Variants in MRAP2 observed in about 807,000 individuals in gnomAD.
MRAP2 encodes melanocortin 2 receptor accessory protein 2, also known as melanocortin-2 receptor accessory protein 2.
In MRAP2, 20 loss-of-function variants were observed where a neutral mutation model predicts 17.4. The ratio of observed to expected loss-of-function variants is 1.15; its 90% confidence interval spans 0.81 to 1.67. The LOEUF (loss-of-function observed/expected upper bound fraction) is 1.67. Among genes scored for constraint, MRAP2 ranks in the 40% most tolerant of loss-of-function variants. The pLI is 0.00. For synonymous variants in MRAP2, 96 were observed against 88.4 expected (o/e 1.09, Z -0.48); for missense variants, 238 against 240.0 (o/e 0.99, Z 0.05).
At chr6:84,058,015 A>C (rs1233680276) in intron 2 of MRAP2, among the ~76,000 whole-genome samples, 2 of 152,168 alleles carry the variant, frequency 1.3e-5, no homozygotes, top group Non-Finnish European at 2.9e-5. Context: ...GGGAGTGATA[A>C]GAGGCAGAAC....
At chr6:84,112,671 T>C in the MRAP2 span, among the ~76,000 whole-genome samples, 1 of 152,196 alleles carries the variant, frequency 6.6e-6, no homozygotes, top group African/African-American at 2.4e-5. Flanking sequence ...TGCTCTTGCC[T>C]CTCTAGTTCT....
chr6:84,095,965 G>T, the MRAP2 span, among the ~76,000 whole-genome samples: 3 of 152,184 alleles, frequency 2.0e-5, no homozygotes, highest in African/African-American at 7.2e-5. Context: ...CTAGTGAGAG[G>T]TCTCCAGAGA....
In MRAP2 at chr6:84,090,206, G is replaced by A. The variant is rs1376682007; in HGVS notation, c.*725G>A. On this transcript the variant is annotated 3_prime_UTR_variant, in exon 4 of 4. Coordinates refer to ENST00000257776, the MANE Select transcript of MRAP2 (RefSeq NM_138409.4). ...TATACATAAAACAGTATAAACTAGG[G>A]TACTGCCTCGTATCTCTTGTAGGCT... 6.6e-6 allele frequency: 1 copy of A among 152,098 alleles called. No individual in the cohort carries two copies. The highest frequency in any genetic ancestry group is 1.5e-5 in the Non-Finnish European group (1 of 68,052). 9.4% of individuals were successfully genotyped at this position (152,098 alleles called of 1,614,324 possible).
At chr6:84,087,267 G>C (rs1452456208) in intron 3 of MRAP2, among the ~76,000 whole-genome samples, 1 of 152,160 alleles carries the variant, frequency 6.6e-6, no homozygotes, top group East Asian at 1.9e-4. Flanking sequence ...GAAGCAGGGA[G>C]GGGACTTCCA....
the MRAP2 span, among the ~76,000 whole-genome samples, chr6:84,122,101 G>A: frequency 6.6e-6 from 1 of 151,942 alleles, no homozygotes; most frequent in Non-Finnish European, 1.5e-5. Context: ...AAAAAGCCCA[G>A]GATCAGATGG....
At chr6:84,123,615 A>T in the MRAP2 span, among the ~76,000 whole-genome samples, 6 of 152,316 alleles carry the variant, frequency 3.9e-5, no homozygotes, top group Admixed American at 2.6e-4. Context: ...ACTTAAAAGT[A>T]TTAAAATGCT....
the MRAP2 span, among the ~76,000 whole-genome samples, chr6:84,129,735 G>A: frequency 6.6e-6 from 1 of 151,982 alleles, no homozygotes; most frequent in Admixed American, 6.6e-5. Flanking sequence ...TAGTCATGAA[G>A]ACTTTGCCCA....
At chr6:84,119,401 T>C in the MRAP2 span, among the ~76,000 whole-genome samples, 1 of 152,220 alleles carries the variant, frequency 6.6e-6, no homozygotes, top group Non-Finnish European at 1.5e-5. Context: ...CTTTTAACAG[T>C]AGACACCCTG....
At chr6:84,092,788 A>G (rs543155856), downstream of MRAP2, among the ~76,000 whole-genome samples, 2 of 152,284 alleles carry the variant, frequency 1.3e-5, no homozygotes, top group South Asian at 2.1e-4. Flanking sequence ...TGTATTTTCA[A>G]TCCCCATTTG....
the MRAP2 span, among the ~76,000 whole-genome samples, chr6:84,135,378 A>G: frequency 6.6e-6 from 1 of 152,208 alleles, no homozygotes; most frequent in Admixed American, 6.5e-5. Flanking sequence ...ACTGGAGAAG[A>G]CAGATATCAC....
At chr6:84,088,098 C>T (rs535702439) in intron 3 of MRAP2, among the ~76,000 whole-genome samples, 1 of 152,246 alleles carries the variant, frequency 6.6e-6, no homozygotes, top group African/African-American at 2.4e-5. Flanking sequence ...GATTTAAGAA[C>T]TGGAAACACT....
chr6:84,087,144 G>T (rs2099500682), intron 3 of MRAP2, among the ~76,000 whole-genome samples: 1 of 151,184 alleles, frequency 6.6e-6, no homozygotes, highest in Non-Finnish European at 1.5e-5. Context: ...CTGAAGACAT[G>T]TGCCCAAGGT....
At chr6:84,051,249 T>C (rs11961791) in intron 1 of MRAP2, among the ~76,000 whole-genome samples, 10,033 of 152,232 alleles carry the variant, frequency 0.066, 1,036 homozygotes, top group African/African-American at 0.22. Context: ...GAGAATTGCT[T>C]GATCCATTTT....
the MRAP2 span, among the ~76,000 whole-genome samples, chr6:84,099,307 T>C: frequency 1.3e-4 from 20 of 151,362 alleles, no homozygotes; most frequent in Admixed American, 4.0e-4. Flanking sequence ...GTGTTGGCTT[T>C]ATTTATTTTT....
intron 1 of MRAP2, among the ~76,000 whole-genome samples, chr6:84,046,846 T>TCAGGGTGA (rs1272187181): frequency 6.9e-6 from 1 of 145,866 alleles, no homozygotes; most frequent in Non-Finnish European, 1.5e-5. Flanking sequence ...CCAGGACTGG[T>TCAGGGTGA]CAGGGTGAGA....
At chr6:84,109,615 A>G in the MRAP2 span, among the ~76,000 whole-genome samples, 1 of 151,878 alleles carries the variant, frequency 6.6e-6, no homozygotes, top group Non-Finnish European at 1.5e-5. Context: ...TATTATTATT[A>G]TTGTACTTTA....
At chr6:84,063,380 T>C (rs2099493679) in intron 3 of MRAP2, 1 of 985,336 alleles carries the variant, frequency 1.0e-6, no homozygotes, top group Non-Finnish European at 1.2e-6. Context: ...TGAAAACCAG[T>C]TTTAAAAATT....
At chr6:84,073,689 C>G (rs1198467867) in intron 3 of MRAP2, among the ~76,000 whole-genome samples, 1 of 152,158 alleles carries the variant, frequency 6.6e-6, no homozygotes, top group Admixed American at 6.5e-5. Context: ...TCCAGGTTTA[C>G]TTATTGAGAC....
the MRAP2 span, among the ~76,000 whole-genome samples, chr6:84,140,761 G>A: frequency 6.6e-6 from 1 of 152,084 alleles, no homozygotes; most frequent in South Asian, 2.1e-4. Flanking sequence ...CTGGCCTTGG[G>A]AGATCCTCTC....
Sources: allele counts gnomAD v4.1 joint callset (sites outside exome capture counted in the v4.1 genomes callset), GRCh38; gene constraint gnomAD v4.1.1; transcripts MANE v1.5; gene names NCBI Gene and HGNC (gene_info 2026-07-23, HGNC 2026-07-21).